Variants in SFT2D1 observed in about 807,000 individuals in gnomAD.
SFT2D1 encodes vesicle transport protein SFT2A.
SFT2D1 carries 24 observed loss-of-function variants against 28.1 expected under a neutral mutation model. The observed-to-expected ratio is 0.85, with a 90% CI of 0.62 to 1.20. The LOEUF (loss-of-function observed/expected upper bound fraction) is 1.20. SFT2D1 is among the 50% of genes most tolerant of loss of function. The probability of loss-of-function intolerance (pLI) is 0.00; values close to 1 mark genes in which losing one functional copy is unlikely to be tolerated. For missense variants in SFT2D1, 181 were observed against 190.9 expected (o/e 0.95, Z 0.31); for synonymous variants, 82 against 73.7 (o/e 1.11, Z -0.58).
chr6:166,320,081 T>C lies in SFT2D1; in HGVS notation c.*136A>G, dbSNP rs761599388. 1 of 703,506 alleles carries C rather than the reference T, an allele frequency of 1.4e-6. No individual in the cohort carries two copies. The highest frequency in any genetic ancestry group is 2.4e-6 in the Non-Finnish European group (1 of 410,744). 43.6% of individuals were successfully genotyped at this position (703,506 alleles called of 1,614,324 possible). A position where few individuals can be genotyped will look rare whatever the true frequency, so the allele number is the denominator to read the frequency against. ...ATCAAGCATGTAGTTTTTACCAGTATACAAAATGAGACTTAGTACAAAACG... is the reference window on the plus strand; with the variant it reads ...ATCAAGCATGTAGTTTTTACCAGTACACAAAATGAGACTTAGTACAAAACG... On this transcript the variant is annotated 3_prime_UTR_variant, in exon 8 of 8. Coordinates refer to ENST00000361731, the MANE Select transcript of SFT2D1 (RefSeq NM_145169.3).
intron 1 of SFT2D1, chr6:166,335,154 A>T (rs1778621505): frequency 1.6e-6 from 1 of 614,100 alleles, no homozygotes; most frequent in African/African-American, 1.8e-5. Context: ...CCAGCCAAAG[A>T]GGTCGAAGTG....
At chr6:166,339,640 T>A (rs1259237933) in intron 1 of SFT2D1, among the ~76,000 whole-genome samples, 1 of 151,906 alleles carries the variant, frequency 6.6e-6, no homozygotes, top group Non-Finnish European at 1.5e-5. Flanking sequence ...CCTCCACGGG[T>A]AATCTGCTCT....
intron 1 of SFT2D1, among the ~76,000 whole-genome samples, chr6:166,341,862 T>G (rs1275133102): frequency 1.3e-5 from 2 of 151,718 alleles, no homozygotes; most frequent in African/African-American, 4.8e-5. Flanking sequence ...CAGGGCTCAC[T>G]GCCTTAACAG....
chr6:166,336,334 T>C (rs1778650481), intron 1 of SFT2D1, among the ~76,000 whole-genome samples: 1 of 152,216 alleles, frequency 6.6e-6, no homozygotes, highest in Non-Finnish European at 1.5e-5. Flanking sequence ...ACAGAATTAT[T>C]AGTTATAAAA....
chr6:166,326,979 T>C (rs547332540), intron 4 of SFT2D1, among the ~76,000 whole-genome samples: 4 of 152,240 alleles, frequency 2.6e-5, no homozygotes, highest in Non-Finnish European at 5.9e-5. Flanking sequence ...TTGATACATA[T>C]GCTATTATAG....
chr6:166,334,332 C>G (rs754744707), intron 1 of SFT2D1, among the ~76,000 whole-genome samples: 1 of 152,232 alleles, frequency 6.6e-6, no homozygotes, highest in Non-Finnish European at 1.5e-5. Flanking sequence ...CTGTGGCTCA[C>G]GCCTGTAATC....
intron 1 of SFT2D1, among the ~76,000 whole-genome samples, chr6:166,335,863 G>A (rs1350067058): frequency 3.9e-5 from 6 of 152,228 alleles, no homozygotes; most frequent in Non-Finnish European, 8.8e-5. Context: ...AGTGGTGGCA[G>A]AGCCCAGCTG....
At chr6:166,326,241 T>C (rs905710265) in intron 4 of SFT2D1, 74 bp from the exon 5 acceptor site, 15 of 1,282,488 alleles carry the variant, frequency 1.2e-5, no homozygotes, top group African/African-American at 1.5e-5. Context: ...TAAACTATTC[T>C]GCATTCATTT....
chr6:166,333,236 CTT>C (rs1312609868), intron 1 of SFT2D1, among the ~76,000 whole-genome samples: 1 of 152,196 alleles, frequency 6.6e-6, no homozygotes, highest in Non-Finnish European at 1.5e-5. Flanking sequence ...GGGGTCCACA[CTT>C]TCTCCTTCTC....
In SFT2D1 at chr6:166,342,536, A is replaced by T. The variant is rs989470280; in HGVS notation, c.-55T>A. The T allele has an allele frequency of 4.2e-5, 60 of 1,438,826 alleles. No homozygotes were observed. In the African/African-American group the frequency reaches 7.3e-4, roughly 18 times the overall value. The allele number at this position is 1,438,826 out of a possible 1,614,324, so 89.1% of individuals were successfully genotyped here. A position where few individuals can be genotyped will look rare whatever the true frequency, so the allele number is the denominator to read the frequency against. On this transcript the variant is annotated 5_prime_UTR_variant, in exon 1 of 8. Coordinates refer to ENST00000361731, the MANE Select transcript of SFT2D1 (RefSeq NM_145169.3). The stretch of plus-strand genomic sequence containing the variant: ...ACTCTGTTGCCTGCCCCTGACGCCC[A>T]CCAGGAAACCCCGAACCCGAAACCC...
At chr6:166,320,331 A>C (rs1778327213) in intron 7 of SFT2D1, 75 bp from the exon 8 acceptor site, 1 of 1,256,990 alleles carries the variant, frequency 8.0e-7, no homozygotes, top group Admixed American at 2.0e-5. Context: ...GTTCCTGCTA[A>C]ATCACCTTTT....
chr6:166,336,441 G>A (rs1451932029), intron 1 of SFT2D1, among the ~76,000 whole-genome samples: 1 of 152,150 alleles, frequency 6.6e-6, no homozygotes, highest in East Asian at 1.9e-4. Flanking sequence ...ATCCATAATT[G>A]TATGTAGCTA....
rs1388286016 is a variant in SFT2D1 at position 166,327,023 on chromosome 6, T to G, written c.316-856A>C. On this transcript the variant is annotated intron_variant, in intron 4 of 7. Coordinates refer to ENST00000361731, the MANE Select transcript of SFT2D1 (RefSeq NM_145169.3). ...AAATAATTGGAGATTATAAAAGTGG[T>G]AAGAAACTATGAAGTTGAATAAAGA... Among the ~76,000 whole-genome samples, 4 of 152,268 alleles carry G rather than the reference T, an allele frequency of 2.6e-5. No individual in the cohort carries two copies. In the East Asian group the frequency reaches 7.7e-4, roughly 29 times the overall value.
At chr6:166,327,994 C>T (rs569204998) in intron 4 of SFT2D1, among the ~76,000 whole-genome samples, 1 of 152,056 alleles carries the variant, frequency 6.6e-6, no homozygotes, top group South Asian at 2.1e-4. Flanking sequence ...GACGGGGTTT[C>T]ATTATATTGG....
chr6:166,326,164 A>G lies in SFT2D1; in HGVS notation c.319T>C (p.Cys107Arg), dbSNP rs1453627599. Residue 107 changes from cysteine to arginine, a missense_variant, in exon 5 of 8, where the codon TGT (cysteine) becomes CGT (arginine). By Grantham distance (180) the Cys-to-Arg change is radical. Transcript: ENST00000361731. Reference sequence around the variant, plus strand: ...GCAGCACACAGGGTAAATATGAAACACAACTACAGGGGAAGAAAGAGTAGA... The same window carrying G: ...GCAGCACACAGGGTAAATATGAAACGCAACTACAGGGGAAGAAAGAGTAGA... ...RLLATIVMLLCFIFTLCAALW... is the reference protein window; with the variant it reads ...RLLATIVMLLRFIFTLCAALW... 6.2e-7 allele frequency: 1 copy of G among 1,613,500 alleles called. No homozygotes were observed. The highest frequency in any genetic ancestry group is 1.7e-5 in the Admixed American group (1 of 59,934).
chr6:166,322,394 T>C (rs533119771), intron 7 of SFT2D1, among the ~76,000 whole-genome samples: 12 of 152,164 alleles, frequency 7.9e-5, no homozygotes, highest in South Asian at 4.1e-4. Context: ...ATTCATCTCA[T>C]TGAAAACATG....
At chr6:166,339,110 C>T (rs1264600345) in intron 1 of SFT2D1, among the ~76,000 whole-genome samples, 1 of 152,116 alleles carries the variant, frequency 6.6e-6, no homozygotes, top group Non-Finnish European at 1.5e-5. Context: ...CGCCTTTAAT[C>T]CCATCTCATC....
intron 4 of SFT2D1, among the ~76,000 whole-genome samples, chr6:166,326,780 C>T (rs1423674036): frequency 6.6e-6 from 1 of 152,224 alleles, no homozygotes; most frequent in Non-Finnish European, 1.5e-5. Context: ...CTTATATGTT[C>T]AAACGTTCCC....
chr6:166,327,355 C>T (rs202194442), intron 4 of SFT2D1, among the ~76,000 whole-genome samples: 26 of 152,098 alleles, frequency 1.7e-4, no homozygotes, highest in Non-Finnish European at 7.4e-5. Flanking sequence ...ACACCCAGCA[C>T]GTATGAGAAT....
Sources: gnomAD v4.1 joint callset for allele counts (sites outside exome capture counted in the v4.1 genomes callset) on GRCh38, gnomAD v4.1.1 for gene constraint, MANE v1.5 for transcripts, NCBI Gene and HGNC (gene_info 2026-07-23, HGNC 2026-07-21) for gene names.